Variants in CSMD1 observed in about 807,000 individuals in gnomAD.
CSMD1 encodes CUB and sushi domain-containing protein 1.
In CSMD1, 213 loss-of-function variants were observed where a neutral mutation model predicts 417.5. The ratio of observed to expected loss-of-function variants is 0.51; its 90% CI spans 0.46 to 0.57. The LOEUF is 0.57. Ranked by LOEUF, CSMD1 falls within the 20% of genes least tolerant of loss-of-function variation. CSMD1 has a pLI of 0.00. For missense variants in CSMD1, 6,923 were observed against 4,529.7 expected (o/e 1.53, Z -15.17); for synonymous variants, 2,862 against 1,736.8 (o/e 1.65, Z -16.11).
At chr8:3,777,581 C>T (rs1026709213) in intron 5 of CSMD1, among the ~76,000 whole-genome samples, 2 of 152,190 alleles carry the variant, frequency 1.3e-5, no homozygotes, top group African/African-American at 4.8e-5. Flanking sequence ...AGACAAGCTG[C>T]CATACGGAAG....
At chr8:4,193,620 G>A (rs1268876786) in intron 3 of CSMD1, among the ~76,000 whole-genome samples, 2 of 152,132 alleles carry the variant, frequency 1.3e-5, no homozygotes, top group African/African-American at 2.4e-5. Flanking sequence ...AGGAGCCAAT[G>A]AGTGTGCTGT....
chr8:4,814,953 T>C (rs1013561810), intron 1 of CSMD1, among the ~76,000 whole-genome samples: 2 of 152,208 alleles, frequency 1.3e-5, no homozygotes, highest in Non-Finnish European at 2.9e-5. Flanking sequence ...CTGTTTATTA[T>C]AGAGACTGAT....
chr8:4,861,249 G>A (rs573460212), intron 1 of CSMD1, among the ~76,000 whole-genome samples: 5 of 152,130 alleles, frequency 3.3e-5, no homozygotes, highest in South Asian at 4.2e-4. Context: ...ATATCTCTGC[G>A]GCTATACATT....
intron 26 of CSMD1, among the ~76,000 whole-genome samples, chr8:3,281,605 A>C (rs1293491185): frequency 6.6e-6 from 1 of 152,122 alleles, no homozygotes; most frequent in Non-Finnish European, 1.5e-5. Flanking sequence ...GCGTGATTCT[A>C]ACTCTGTGAC....
chr8:4,250,887 A>T (rs1730182199), intron 3 of CSMD1, among the ~76,000 whole-genome samples: 1 of 152,220 alleles, frequency 6.6e-6, no homozygotes, highest in South Asian at 2.1e-4. Flanking sequence ...ACCCTGATGA[A>T]AAGAGCACCT....
At chr8:3,522,985 T>C (rs1030264243) in intron 10 of CSMD1, among the ~76,000 whole-genome samples, 13 of 147,220 alleles carry the variant, frequency 8.8e-5, no homozygotes, top group East Asian at 2.0e-4. Flanking sequence ...TTTATATACA[T>C]ACAAAATGGA....
At chr8:4,166,162 T>A (rs1489798747) in intron 3 of CSMD1, among the ~76,000 whole-genome samples, 1 of 152,208 alleles carries the variant, frequency 6.6e-6, no homozygotes, top group Non-Finnish European at 1.5e-5. Context: ...ATTTTAAATT[T>A]GTAGTAGTCT....
chr8:4,363,305 A>G (rs886497004), intron 3 of CSMD1, among the ~76,000 whole-genome samples: 3 of 152,152 alleles, frequency 2.0e-5, no homozygotes, highest in African/African-American at 2.4e-5. Context: ...CCTGCCCGTC[A>G]TGAAATTCTA....
At position 3,571,274 on chromosome 8, in the gene CSMD1, T is replaced by C. The variant is rs961136835; in HGVS notation, c.1344+3671A>G. On this transcript the variant is annotated intron_variant, in intron 10 of 69. Coordinates refer to ENST00000635120, the MANE Select transcript of CSMD1 (RefSeq NM_033225.6). ...ACAACACACCTGTGAATTCTAAATG[T>C]GCCTCTGCCCATTCCATGGACTTGG... is the stretch of plus-strand genomic sequence containing the variant. Among the ~76,000 whole-genome samples, 3 of 152,230 alleles carry C rather than the reference T, an allele frequency of 2.0e-5. No individual in the cohort carries two copies. The East Asian group carries it at 5.8e-4, about 29-fold the overall frequency.
intron 10 of CSMD1, among the ~76,000 whole-genome samples, chr8:3,546,478 G>C (rs548018431): frequency 1.3e-5 from 2 of 151,854 alleles, no homozygotes; most frequent in Admixed American, 6.6e-5. Flanking sequence ...GGAGCTTGTG[G>C]TGAGTCAAGA....
At chr8:3,378,033 G>C (rs10087620) in intron 18 of CSMD1, among the ~76,000 whole-genome samples, 1 of 152,100 alleles carries the variant, frequency 6.6e-6, no homozygotes, top group African/African-American at 2.4e-5. Context: ...ACCTGGTCTT[G>C]GAGGTTGAAA....
chr8:3,493,797 A>C (rs1268130963), intron 10 of CSMD1, 71 bp from the exon 11 acceptor site: 1 of 1,282,712 alleles, frequency 7.8e-7, no homozygotes, highest in Non-Finnish European at 1.1e-6. Flanking sequence ...GGTATTGCAA[A>C]TATCTAGTTA....
At chr8:4,168,950 G>A (rs1797611233) in intron 3 of CSMD1, among the ~76,000 whole-genome samples, 1 of 152,102 alleles carries the variant, frequency 6.6e-6, no homozygotes, top group Non-Finnish European at 1.5e-5. Context: ...TGAGGTACCT[G>A]ATCATCTCTG....
chr8:4,401,491 C>G (rs1011655628), intron 3 of CSMD1, among the ~76,000 whole-genome samples: 3 of 152,222 alleles, frequency 2.0e-5, no homozygotes, highest in Non-Finnish European at 2.9e-5. Flanking sequence ...CATCCCCTCA[C>G]CCAGAGAGGA....
chr8:3,054,959 G>T (rs1286065423), intron 49 of CSMD1, among the ~76,000 whole-genome samples: 1 of 152,150 alleles, frequency 6.6e-6, no homozygotes, highest in Non-Finnish European at 1.5e-5. Context: ...ATCTCACAAT[G>T]TTCCAATATC....
At chr8:4,192,538 G>C (rs527387489) in intron 3 of CSMD1, among the ~76,000 whole-genome samples, 28 of 152,110 alleles carry the variant, frequency 1.8e-4, no homozygotes, top group African/African-American at 6.8e-4. Flanking sequence ...TCAGCAACAG[G>C]GGCTTTTATC....
At chr8:4,135,787 A>G (rs1411163274) in intron 3 of CSMD1, among the ~76,000 whole-genome samples, 2 of 152,350 alleles carry the variant, frequency 1.3e-5, no homozygotes, top group East Asian at 1.9e-4. Context: ...AATGATAGGA[A>G]TAAAAATCTA....
At chr8:4,009,681 T>TG (rs1563314210) in intron 4 of CSMD1, among the ~76,000 whole-genome samples, 8 of 152,110 alleles carry the variant, frequency 5.3e-5, no homozygotes, top group African/African-American at 1.9e-4. Flanking sequence ...CTGGGAGATA[T>TG]TATTGAGGAA....
intron 3 of CSMD1, among the ~76,000 whole-genome samples, chr8:4,109,319 C>G (rs574885884): frequency 1.3e-5 from 2 of 151,958 alleles, no homozygotes; most frequent in Admixed American, 1.3e-4. Context: ...TTCTATATTC[C>G]TCAAAGCTGA....
Sources: gnomAD v4.1 joint callset for allele counts (sites outside exome capture counted in the v4.1 genomes callset) on GRCh38, gnomAD v4.1.1 for gene constraint, MANE v1.5 for transcripts, NCBI Gene and HGNC (gene_info 2026-07-23, HGNC 2026-07-21) for gene names.